ABCA5: variants seen among roughly 807,000 people sequenced by gnomAD.
ABCA5 encodes the protein ATP binding cassette subfamily A member 5, also known as cholesterol transporter ABCA5.
In ABCA5, 163 loss-of-function variants were observed where a neutral mutation model predicts 206.0. The observed-to-expected ratio is 0.79, with a 90% CI of 0.70 to 0.90. The LOEUF is 0.90. Ranked by LOEUF, ABCA5 falls within the 40% of genes least tolerant of loss-of-function variation. The pLI, the probability that ABCA5 is intolerant of heterozygous loss-of-function variation, is 0.00. For missense variants in ABCA5, 1,859 were observed against 1,912.9 expected (o/e 0.97, Z 0.53); for synonymous variants, 609 against 613.8 (o/e 0.99, Z 0.11).
chr17:69,260,361 T>C lies in ABCA5; in HGVS notation c.3616A>G (p.Arg1206Gly), dbSNP rs535300608. Residue 1206 changes from arginine (R) to glycine (G), a missense_variant, in exon 27 of 39, where the codon AGG becomes GGG. Physicochemically the swap from Arg to Gly is moderately radical, Grantham distance 125 (BLOSUM62 -2). Coordinates refer to ENST00000392676, the MANE Select transcript of ABCA5 (RefSeq NM_172232.4). ...ACCGATATAACAGCTACTGAAAGCCTATCCCATGGATTATAGGTGTCCACA... is the reference window on the plus strand; with the variant it reads ...ACCGATATAACAGCTACTGAAAGCCCATCCCATGGATTATAGGTGTCCACA... ...KNVDTYNPWDRLSVAVISPYL... is the reference protein window; with the variant it reads ...KNVDTYNPWDGLSVAVISPYL... 14 of 1,607,686 alleles carry C rather than the reference T, an allele frequency of 8.7e-6. No homozygotes were observed. The highest frequency in any genetic ancestry group is 1.7e-4 in the Middle Eastern group (1 of 6,034).
At position 69,261,244 on chromosome 17, in the gene ABCA5, T is replaced by C. The variant is rs1671157152; in HGVS notation, c.3445A>G (p.Ile1149Val). ...FIYSVAALAC[I>V]AITEITFFMG... Reference sequence around the variant, plus strand: ...AAGAAAGTTATTTCAGTGATTGCAATACAAGCCAACGCTGCCTAAAGAAAA... The same window carrying C: ...AAGAAAGTTATTTCAGTGATTGCAACACAAGCCAACGCTGCCTAAAGAAAA... The change falls in exon 26 of 39, where the codon ATT (isoleucine) becomes GTT (valine). Residue 1149 changes from isoleucine (I) to valine (V), a missense_variant. Transcript: ENST00000392676. 2 of 1,603,168 alleles carry C rather than the reference T, an allele frequency of 1.2e-6. No individual in the cohort carries two copies. The highest frequency in any genetic ancestry group is 2.2e-5 in the East Asian group (1 of 44,568).
intron 18 of ABCA5, among the ~76,000 whole-genome samples, chr17:69,280,012 CAAAAGACA>C (rs1373480466): frequency 6.6e-6 from 1 of 152,166 alleles, no homozygotes; most frequent in Non-Finnish European, 1.5e-5. Context: ...GCAATAGCAA[CAAAAGACA>C]AAATTGACAA....
At chr17:69,321,188 T>C (rs913481223) in intron 1 of ABCA5, among the ~76,000 whole-genome samples, 8 of 151,984 alleles carry the variant, frequency 5.3e-5, no homozygotes, top group African/African-American at 1.9e-4. Context: ...CTTTTCTATA[T>C]TGACGAACAC....
Position 69,306,853 on chromosome 17 carries a change from T to G in ABCA5, c.660A>C (p.Val220=). The stretch of plus-strand genomic sequence containing the variant: ...ATGCTATAACTAGGTATATTAAAAT[T>G]ACTCCTCGGGGAAAGGTATCTATTT... ...VVEIDTFPRG[V]ILIYLVIAFS... is the part of the protein sequence containing the mutation. Residue 220 remains valine, a synonymous_variant, in exon 6 of 39, where the codon GTA becomes GTC. Transcript: ENST00000392676. 6.2e-7 allele frequency: 1 copy of G among 1,605,298 alleles called. No individual in the cohort carries two copies. The highest frequency in any genetic ancestry group is 8.5e-7 in the Non-Finnish European group (1 of 1,175,248).
chr17:69,282,943 C>T (rs1475868548), intron 18 of ABCA5, among the ~76,000 whole-genome samples: 1 of 150,932 alleles, frequency 6.6e-6, no homozygotes, highest in Non-Finnish European at 1.5e-5. Context: ...AACTCATCAC[C>T]ACTACCACCA....
intron 18 of ABCA5, among the ~76,000 whole-genome samples, chr17:69,278,460 G>A (rs1279953887): frequency 6.6e-6 from 1 of 152,082 alleles, no homozygotes; most frequent in Admixed American, 6.6e-5. Flanking sequence ...TTAGCCTCAG[G>A]CTCAGTTTTC....
chr17:69,318,287 A>C lies in ABCA5; in HGVS notation c.-15-3857T>G, dbSNP rs1367418081. Reference sequence around the variant, plus strand: ...TTTTTGTATTTTTAGTAGAGATGGGATTTCACCATGTTGGTCAGACTGGTC... The same window carrying C: ...TTTTTGTATTTTTAGTAGAGATGGGCTTTCACCATGTTGGTCAGACTGGTC... On this transcript the variant is annotated intron_variant, in intron 1 of 38. Transcript: ENST00000392676. 2.0e-5 allele frequency among the ~76,000 whole-genome samples: 3 copies of C among 151,990 alleles called. No homozygotes were observed. In the East Asian group the frequency reaches 5.8e-4, roughly 29 times the overall value.
intron 18 of ABCA5, 48 bp downstream of exon 18, chr17:69,283,905 C>A (rs759933245): frequency 6.5e-7 from 1 of 1,550,026 alleles, no homozygotes; most frequent in Non-Finnish European, 8.7e-7. Flanking sequence ...TCTTATTCAC[C>A]ATCTGTCTGA....
chr17:69,324,263 G>C (rs915515126), intron 1 of ABCA5, among the ~76,000 whole-genome samples: 1 of 152,160 alleles, frequency 6.6e-6, no homozygotes, highest in Non-Finnish European at 1.5e-5. Flanking sequence ...TGTGATAAGA[G>C]AGAAAGAGCC....
At chr17:69,313,743 G>A (rs1319837101) in intron 2 of ABCA5, among the ~76,000 whole-genome samples, 2 of 152,026 alleles carry the variant, frequency 1.3e-5, no homozygotes, top group African/African-American at 4.8e-5. Context: ...AAACCATACT[G>A]AATTAAATTC....
chr17:69,271,971 C>G (rs769103274), intron 20 of ABCA5, among the ~76,000 whole-genome samples: 19 of 152,154 alleles, frequency 1.2e-4, no homozygotes, highest in Non-Finnish European at 1.9e-4. Flanking sequence ...TCTATACCAA[C>G]ATGTCTGCCG....
rs1367798784 is a variant in ABCA5 at position 69,289,967 on chromosome 17, G to T, written c.1677C>A (p.Gly559=). 1 of 1,612,110 alleles carries T rather than the reference G, an allele frequency of 6.2e-7. No homozygotes were observed. The highest frequency in any genetic ancestry group is 2.2e-5 in the East Asian group (1 of 44,660). Residue 559 remains glycine, a synonymous_variant, in exon 13 of 39, where the codon GGC becomes GGA. Transcript: ENST00000392676. Reference sequence around the variant, plus strand: ...AGTGTATATCTAACTGTGGACAAATGCCAATCATTTTTCTTGCTTCAAACA... The same window carrying T: ...AGTGTATATCTAACTGTGGACAAATTCCAATCATTTTTCTTGCTTCAAACA... The part of the protein sequence containing the change: ...DEMFEARKMI[G]ICPQLDIHFD...
intron 23 of ABCA5, 124 bp from the exon 24 acceptor site, chr17:69,265,029 C>G: frequency 1.7e-6 from 1 of 583,772 alleles, no homozygotes; most frequent in Non-Finnish European, 2.6e-6. Context: ...ACATTCCAGG[C>G]TTATAGGTAA....
chr17:69,276,824 A>G (rs949303465), intron 19 of ABCA5, among the ~76,000 whole-genome samples: 2 of 152,230 alleles, frequency 1.3e-5, no homozygotes, highest in East Asian at 3.8e-4. Flanking sequence ...AAATTGAAAC[A>G]TGCTGATTTA....
chr17:69,312,981 G>T, intron 3 of ABCA5, 111 bp downstream of exon 3: 2 of 558,308 alleles, frequency 3.6e-6, no homozygotes, highest in Non-Finnish European at 5.6e-6. Flanking sequence ...TGACTTTGGT[G>T]GAGGAACACA....
Position 69,286,220 on chromosome 17 carries a change from C to G in ABCA5, c.2132+1G>C. 6.2e-7 allele frequency: 1 copy of G among 1,601,610 alleles called. No individual in the cohort carries two copies. The highest frequency in any genetic ancestry group is 2.2e-5 in the East Asian group (1 of 44,550). On this transcript the variant is annotated splice_donor_variant, in intron 16 of 38. Coordinates refer to ENST00000392676, the MANE Select transcript of ABCA5 (RefSeq NM_172232.4). LOFTEE classifies it high-confidence loss of function. ...ATAATGTCAATAAAAATGAATGATACCTCAGGCGGTAGCCGATCCCCCATT... is the reference window on the plus strand; with the variant it reads ...ATAATGTCAATAAAAATGAATGATAGCTCAGGCGGTAGCCGATCCCCCATT...
At chr17:69,272,661 AAG>A (rs573627025) in intron 20 of ABCA5, among the ~76,000 whole-genome samples, 123 of 152,300 alleles carry the variant, frequency 8.1e-4, no homozygotes, top group African/African-American at 2.9e-3. Flanking sequence ...TTCCTAATGA[AAG>A]AAAAAAAATT....
At chr17:69,287,838 T>C (rs1191871151) in intron 14 of ABCA5, 87 bp from the exon 15 acceptor site, 2 of 1,204,830 alleles carry the variant, frequency 1.7e-6, no homozygotes, top group African/African-American at 1.6e-5. Context: ...AACTGCCCCA[T>C]TTCAAATTAT....
intron 18 of ABCA5, among the ~76,000 whole-genome samples, chr17:69,279,093 A>ATTGTCCCTGTTG (rs1415924058): frequency 6.6e-6 from 1 of 151,904 alleles, no homozygotes; most frequent in Non-Finnish European, 1.5e-5. Flanking sequence ...AGGAAGTCAA[A>ATTGTCCCTGTTG]TTGTCCCTGT....
Sources: allele counts gnomAD v4.1 joint callset (sites outside exome capture counted in the v4.1 genomes callset), GRCh38; gene constraint gnomAD v4.1.1; transcripts MANE v1.5; gene names NCBI Gene and HGNC (gene_info 2026-07-23, HGNC 2026-07-21).